Variants in TBC1D1 observed in about 807,000 individuals in gnomAD.
The protein encoded by TBC1D1 is TBC1 (tre-2/USP6, BUB2, cdc16) domain family, member 1.
A neutral mutation model predicts 125.6 loss-of-function variants in TBC1D1; 89 were observed. The ratio of observed to expected loss-of-function variants is 0.71; its 90% CI spans 0.60 to 0.85. The LOEUF (loss-of-function observed/expected upper bound fraction) is 0.85, where lower values mean the gene tolerates loss of function less well. Ranked by LOEUF, TBC1D1 falls within the 40% of genes least tolerant of loss-of-function variation. TBC1D1 has a pLI of 0.00. For synonymous variants in TBC1D1, 565 were observed against 564.1 expected (o/e 1.00, Z -0.02); for missense variants, 1,377 against 1,469.2 (o/e 0.94, Z 1.03).
intron 13 of TBC1D1, among the ~76,000 whole-genome samples, chr4:38,093,466 T>C (rs78971327): frequency 0.035 from 5,245 of 151,960 alleles, 237 homozygotes; most frequent in African/African-American, 0.1. Context: ...CAAAAAGCGC[T>C]GCCTCTCTTT....
At chr4:38,137,082 C>G in intron 19 of TBC1D1, 53 bp from the exon 22 acceptor site, 1 of 1,609,614 alleles carries the variant, frequency 6.2e-7, no homozygotes, top group South Asian at 1.1e-5. Flanking sequence ...GCACTGGATC[C>G]CACCTGTGTT....
intron 9 of TBC1D1, 45 bp from the exon 10 acceptor site, chr4:38,045,772 C>A: frequency 1.3e-6 from 2 of 1,529,720 alleles, no homozygotes; most frequent in Non-Finnish European, 1.8e-6. Flanking sequence ...GATGCCTTTG[C>A]AAAAGCCTCC....
intron 2 of TBC1D1, among the ~76,000 whole-genome samples, chr4:37,969,298 C>A (rs1372389260): frequency 1.3e-5 from 2 of 152,220 alleles, no homozygotes; most frequent in African/African-American, 4.8e-5. Context: ...ACATCTACAG[C>A]CAAAATTTGC....
At chr4:38,134,387 C>T (rs1389940139) in intron 19 of TBC1D1, among the ~76,000 whole-genome samples, 1 of 133,838 alleles carries the variant, frequency 7.5e-6, no homozygotes, top group African/African-American at 2.9e-5. Flanking sequence ...CACTCACATT[C>T]TGAAATTTAA....
intron 2 of TBC1D1, among the ~76,000 whole-genome samples, chr4:37,965,439 A>G (rs185858131): frequency 3.2e-4 from 49 of 152,350 alleles, no homozygotes; most frequent in Admixed American, 3.1e-3. Flanking sequence ...GAGATAGATA[A>G]TATATGAAAA....
chr4:38,042,635 G>A (rs1466390793), intron 8 of TBC1D1, among the ~76,000 whole-genome samples: 1 of 152,104 alleles, frequency 6.6e-6, no homozygotes, highest in Non-Finnish European at 1.5e-5. Context: ...TACGTCTTCA[G>A]GCTGCAGGTA....
chr4:38,124,293 T>C (rs1764302436), intron 17 of TBC1D1, among the ~76,000 whole-genome samples: 1 of 152,194 alleles, frequency 6.6e-6, no homozygotes, highest in South Asian at 2.1e-4. Flanking sequence ...CCGCTTGCCT[T>C]GGCCGGTGCC....
At chr4:38,041,225 C>G (rs1244068194) in intron 8 of TBC1D1, among the ~76,000 whole-genome samples, 2 of 152,152 alleles carry the variant, frequency 1.3e-5, no homozygotes, top group African/African-American at 4.8e-5. Context: ...CAGCAGATGA[C>G]TGAATAAAAT....
chr4:38,089,407 AC>A (rs1414363484), intron 12 of TBC1D1, among the ~76,000 whole-genome samples: 1 of 152,238 alleles, frequency 6.6e-6, no homozygotes, highest in East Asian at 1.9e-4. Context: ...TTAAGAATGC[AC>A]ATGAAAGCCA....
intron 15 of TBC1D1, chr4:38,112,104 A>G: frequency 1.0e-6 from 1 of 984,570 alleles, no homozygotes; most frequent in African/African-American, 1.7e-5. Context: ...CAGTTTGGGT[A>G]ATAACAAGAG....
At chr4:38,023,144 G>A (rs995334213) in intron 6 of TBC1D1, among the ~76,000 whole-genome samples, 6 of 151,798 alleles carry the variant, frequency 4.0e-5, no homozygotes, top group African/African-American at 7.3e-5. Flanking sequence ...CTACTTGGGA[G>A]GCTGAGGCAG....
chr4:37,965,442 T>C (rs1262639599), intron 2 of TBC1D1, among the ~76,000 whole-genome samples: 5 of 152,230 alleles, frequency 3.3e-5, no homozygotes, highest in Non-Finnish European at 4.4e-5. Context: ...ATAGATAATA[T>C]ATGAAAACAT....
At chr4:38,118,946 G>T (rs886350552) in intron 17 of TBC1D1, among the ~76,000 whole-genome samples, 3 of 152,216 alleles carry the variant, frequency 2.0e-5, no homozygotes, top group Admixed American at 2.0e-4. Flanking sequence ...GTCCACGTGC[G>T]CATCAGGAAC....
intron 2 of TBC1D1, among the ~76,000 whole-genome samples, chr4:37,921,806 CTTCCAGGCTCAGGTGATT>C (rs1252750475): frequency 6.6e-6 from 1 of 151,900 alleles, no homozygotes; most frequent in Non-Finnish European, 1.5e-5. Context: ...CAGCCTTGAA[CTTCCAGGCTCAGGTGATT>C]TTCCAGGCTC....
chr4:37,940,589 C>G (rs1208749870), intron 2 of TBC1D1, among the ~76,000 whole-genome samples: 2 of 152,126 alleles, frequency 1.3e-5, no homozygotes, highest in African/African-American at 4.8e-5. Flanking sequence ...AGAGGGCATC[C>G]CTGTCTTGTG....
At position 37,902,210 on chromosome 4, in the gene TBC1D1, A is replaced by G. The variant is rs1003999424; in HGVS notation, c.115A>G (p.Met39Val). Residue 39 changes from methionine (M) to valine (V), a missense_variant, in exon 2 of 20, where the codon ATG becomes GTG. Transcript: ENST00000261439. ...TGTGCATTCCCTGACCACCATGCCC[A>G]TGCTGCCCTGGGTTGTGGCTGAGGT... 3.7e-6 allele frequency: 6 copies of G among 1,613,970 alleles called. No homozygotes were observed. The highest frequency in any genetic ancestry group is 2.2e-5 in the East Asian group (1 of 44,886).
intron 2 of TBC1D1, among the ~76,000 whole-genome samples, chr4:37,954,640 G>A (rs1217925717): frequency 1.3e-5 from 2 of 152,134 alleles, no homozygotes; most frequent in African/African-American, 4.8e-5. Flanking sequence ...GGTGATTCAA[G>A]TTAGAGATGA....
intron 10 of TBC1D1, among the ~76,000 whole-genome samples, chr4:38,047,689 A>G (rs1401236626): frequency 6.6e-6 from 1 of 152,188 alleles, no homozygotes; most frequent in Non-Finnish European, 1.5e-5. Context: ...GTTACAAATA[A>G]GAGACATTGG....
chr4:37,961,240 T>A, intron 2 of TBC1D1: 1 of 649,802 alleles, frequency 1.5e-6, no homozygotes, highest in Non-Finnish European at 2.5e-6. Context: ...TTTACTTCTG[T>A]AGAGAAACAG....
Sources: gnomAD v4.1 joint callset for allele counts (sites outside exome capture counted in the v4.1 genomes callset) on GRCh38, gnomAD v4.1.1 for gene constraint, MANE v1.5 for transcripts, NCBI Gene and HGNC (gene_info 2026-07-23, HGNC 2026-07-21) for gene names.